SLC12A9: variants seen among roughly 807,000 people sequenced by gnomAD.
SLC12A9 encodes CCC-interacting protein 1.
A neutral mutation model predicts 66.0 loss-of-function variants in SLC12A9; 55 were observed. That is an observed-to-expected ratio of 0.83 (90% confidence interval 0.67 to 1.04). SLC12A9 has a LOEUF of 1.04. Ranked by LOEUF, SLC12A9 falls within the 50% of genes least tolerant of loss-of-function variation. The probability of loss-of-function intolerance (pLI) is 0.00; values close to 1 mark genes in which losing one functional copy is unlikely to be tolerated. For missense variants in SLC12A9, 1,061 were observed against 1,241.9 expected, an observed-to-expected ratio of 0.85 and a Z score of 2.19; for synonymous variants, 577 against 569.0, an observed-to-expected ratio of 1.01 and a Z score of -0.20.
chr7:100,843,061 T>A (rs1813819733), intron 1 of SLC12A9, among the ~76,000 whole-genome samples: 1 of 152,266 alleles, frequency 6.6e-6, no homozygotes, highest in Non-Finnish European at 1.5e-5. Flanking sequence ...AGCTTATTAA[T>A]CAGTCAGCCC....
chr7:100,859,240 G>A (rs1261373622), intron 7 of SLC12A9, 79 bp downstream of exon 7: 6 of 1,382,440 alleles, frequency 4.3e-6, no homozygotes, highest in Non-Finnish European at 6.1e-6. Context: ...CAGGCTGGGG[G>A]ACTGGGAAGC....
chr7:100,839,639 G>A (rs1813740388), intron 1 of SLC12A9, among the ~76,000 whole-genome samples: 1 of 152,252 alleles, frequency 6.6e-6, no homozygotes, highest in Non-Finnish European at 1.5e-5. Flanking sequence ...CTTCGCCAGA[G>A]CAGTGTGTGG....
upstream of SLC12A9, among the ~76,000 whole-genome samples, chr7:100,851,770 A>C (rs1220804056): frequency 7.9e-6 from 1 of 126,104 alleles, no homozygotes; most frequent in Non-Finnish European, 1.6e-5. Flanking sequence ...CAGCCTGTGT[A>C]ATAGTTCCTG....
At chr7:100,856,189 T>C (rs192327227) in intron 4 of SLC12A9, 62 of 184,920 alleles carry the variant, frequency 3.4e-4, no homozygotes, top group African/African-American at 1.4e-3. Context: ...TGGGTCACAG[T>C]TGGGGCTGGG....
Position 100,858,885 on chromosome 7 carries a change from G to A in SLC12A9, c.808G>A (p.Val270Ile). 4.3e-6 allele frequency: 7 copies of A among 1,614,228 alleles called. No homozygotes were observed. Among genetic ancestry groups the A allele is most frequent in the East Asian group, 2.2e-5 (1 of 44,884 alleles). Residue 270 changes from valine (V) to isoleucine (I), a missense_variant, in exon 6 of 14, where the codon GTC becomes ATC. By Grantham distance (29) the Val-to-Ile change is conservative. Coordinates refer to ENST00000354161, the MANE Select transcript of SLC12A9 (RefSeq NM_020246.4). ...GGGAGCCGTGATGAATTTTGCCAGC[G>A]TCTTTGCTGTCCTCTTTAACGGCTG... is the stretch of plus-strand genomic sequence containing the variant. ...TTGAVMNFAS[V>I]FAVLFNGCTG...
At chr7:100,854,875 T>C in intron 3 of SLC12A9, 121 bp downstream of exon 3, 1 of 1,407,990 alleles carries the variant, frequency 7.1e-7, no homozygotes. Context: ...TTCTTAAAAT[T>C]TTTTTAGGCT....
chr7:100,851,102 C>T (rs556710473), upstream of SLC12A9, among the ~76,000 whole-genome samples: 2 of 152,326 alleles, frequency 1.3e-5, no homozygotes, highest in African/African-American at 4.8e-5. Flanking sequence ...AGTGATCCTC[C>T]TGCCTCAGCC....
Position 100,862,675 on chromosome 7 carries a change from C to T in SLC12A9, c.1712-6C>T. On this transcript the variant is annotated splice_polypyrimidine_tract_variant and splice_region_variant and intron_variant, in intron 12 of 13. Transcript: ENST00000354161. ...GGCTACCTTCCTTTCCTTATCTTCT[C>T]TGTAGACTCCCTGCCCTCGGACCCT... The T allele has an allele frequency of 6.2e-7, 1 of 1,614,080 alleles. No individual in the cohort carries two copies. Among genetic ancestry groups the T allele is most frequent in the Non-Finnish European group, 8.5e-7 (1 of 1,179,958 alleles).
chr7:100,856,014 CCTTG>C, intron 4 of SLC12A9, 177 bp downstream of exon 4: 10 of 979,792 alleles, frequency 1.0e-5, no homozygotes, highest in African/African-American at 1.7e-5. Flanking sequence ...CTGAGATTGT[CCTTG>C]CCTGCAGGGA....
In SLC12A9 at chr7:100,832,207, C is replaced by CA. The variant is rs200373741; in HGVS notation, n.228+5169dup. ...GAGCGAGACTCCGTCCCACTCCCAC[C>CA]AAAAAAAAATAACTTAGCCAGGCAC... is the stretch of plus-strand genomic sequence containing the variant. On this transcript the variant is annotated intron_variant and non_coding_transcript_variant, in intron 1 of 1. Coordinates refer to the SLC12A9 transcript ENST00000461016. Among the ~76,000 whole-genome samples, 122 of 147,696 alleles carry CA rather than the reference C, an allele frequency of 8.3e-4. No individual in the cohort carries two copies. The East Asian group carries it at 0.015, about 18-fold the overall frequency.
In SLC12A9 at chr7:100,836,931, G is replaced by A. The variant is rs79933263; in HGVS notation, n.228+9884G>A. ...GCATTTAAGGCCTAATTCTGAGAGTGCCATTAGATCTCCTTGTCCCGAAGG... is the reference window on the plus strand; with the variant it reads ...GCATTTAAGGCCTAATTCTGAGAGTACCATTAGATCTCCTTGTCCCGAAGG... On this transcript the variant is annotated intron_variant and non_coding_transcript_variant, in intron 1 of 1. Coordinates refer to the SLC12A9 transcript ENST00000461016. Among the ~76,000 whole-genome samples the A allele has an allele frequency of 7.5e-3, 1,143 of 152,202 alleles. 22 individuals are homozygous for A. Among genetic ancestry groups the A allele is most frequent in the African/African-American group, 0.026 (1,080 of 41,508 alleles).
chr7:100,835,676 AAC>A (rs1183792989), intron 1 of SLC12A9, among the ~76,000 whole-genome samples: 2 of 152,080 alleles, frequency 1.3e-5, no homozygotes, highest in African/African-American at 2.4e-5. Context: ...AAAAAACAAA[AAC>A]ACACATACAC....
intron 1 of SLC12A9, among the ~76,000 whole-genome samples, chr7:100,842,427 C>T (rs1018917740): frequency 6.6e-6 from 1 of 152,158 alleles, no homozygotes; most frequent in Non-Finnish European, 1.5e-5. Flanking sequence ...CCTGACTCTC[C>T]TCAGACTGGG....
At chr7:100,846,482 G>T (rs1414114887) in intron 1 of SLC12A9, among the ~76,000 whole-genome samples, 1 of 151,958 alleles carries the variant, frequency 6.6e-6, no homozygotes, top group Non-Finnish European at 1.5e-5. Context: ...CAGGAGAATG[G>T]CATGAACCCA....
At chr7:100,865,257 C>A in intron 13 of SLC12A9, 1 of 1,535,670 alleles carries the variant, frequency 6.5e-7, no homozygotes, top group Non-Finnish European at 8.7e-7. Flanking sequence ...GGTGCCCTGC[C>A]TGGTCCATTT....
chr7:100,860,785 G>A (rs1814699253), intron 9 of SLC12A9: 3 of 408,074 alleles, frequency 7.4e-6, no homozygotes, highest in South Asian at 2.0e-5. Flanking sequence ...CTTTGGGGGT[G>A]CGCTGGCACT....
Position 100,862,738 on chromosome 7 carries a change from A to G in SLC12A9, c.1769A>G (p.Asp590Gly), listed in dbSNP as rs779520849. ...PQYGAWLSLV[D>G]RAQVKAFVDL... ...TATGGGGCATGGCTCAGCCTGGTGG[A>G]CCGTGCCCAGGTGAAGGCTTTTGTG... Residue 590 changes from aspartate to glycine, a missense_variant, in exon 13 of 14, where the codon GAC becomes GGC. Coordinates refer to ENST00000354161, the MANE Select transcript of SLC12A9 (RefSeq NM_020246.4). 3.1e-6 allele frequency: 5 copies of G among 1,614,162 alleles called. No homozygotes were observed. In the South Asian group the frequency reaches 5.5e-5, roughly 18 times the overall value.
At chr7:100,843,088 G>A (rs957140888) in intron 1 of SLC12A9, among the ~76,000 whole-genome samples, 4 of 152,230 alleles carry the variant, frequency 2.6e-5, no homozygotes, top group East Asian at 1.9e-4. Context: ...ATCCCTGAGC[G>A]GATGTGTGGT....
intron 5 of SLC12A9, chr7:100,858,621 G>A (rs1814550545): frequency 1.9e-6 from 1 of 524,014 alleles, no homozygotes; most frequent in Admixed American, 3.3e-5. Context: ...AAAGAGCGTG[G>A]ATTAGGGTCT....
Sources: allele counts gnomAD v4.1 joint callset (sites outside exome capture counted in the v4.1 genomes callset), GRCh38; gene constraint gnomAD v4.1.1; transcripts MANE v1.5; gene names NCBI Gene and HGNC (gene_info 2026-07-23, HGNC 2026-07-21).